Variants in HSPA4 observed in about 807,000 individuals in gnomAD.
HSPA4 encodes heat shock protein family A (Hsp70) member 4.
In HSPA4, 25 loss-of-function variants were observed where a neutral mutation model predicts 106.2. The observed-to-expected ratio is 0.24, with a 90% confidence interval of 0.17 to 0.33. The LOEUF (loss-of-function observed/expected upper bound fraction) is 0.33, where lower values mean the gene tolerates loss of function less well. Among genes scored for constraint, HSPA4 ranks in the 10% least tolerant of loss-of-function variants. The pLI is 1.00. For missense variants in HSPA4, 841 were observed against 996.0 expected (o/e 0.84, Z 2.10); for synonymous variants, 332 against 333.6 (o/e 1.00, Z 0.05).
At chr5:133,070,851 G>A (rs554937258) in intron 4 of HSPA4, among the ~76,000 whole-genome samples, 24 of 152,272 alleles carry the variant, frequency 1.6e-4, no homozygotes, top group African/African-American at 4.3e-4. Context: ...GCGGTGAGCC[G>A]AGATCATGCC....
chr5:133,089,556 A>G lies in HSPA4; in HGVS notation c.1245-6A>G, dbSNP rs1765618597. ...ATTTGTGTTTTTGTCTTTTTCCTCC[A>G]TTCAGTGACTGTGAAGTCTTTTCCA... On this transcript the variant is annotated splice_region_variant and splice_polypyrimidine_tract_variant and intron_variant, in intron 10 of 18. Coordinates refer to ENST00000304858, the MANE Select transcript of HSPA4 (RefSeq NM_002154.4). 6.2e-7 allele frequency: 1 copy of G among 1,612,684 alleles called. No individual in the cohort carries two copies. Among genetic ancestry groups the G allele is most frequent in the East Asian group, 2.2e-5 (1 of 44,856 alleles).
chr5:133,056,567 G>A (rs896693072), intron 1 of HSPA4, among the ~76,000 whole-genome samples: 2 of 152,146 alleles, frequency 1.3e-5, no homozygotes, highest in African/African-American at 2.4e-5. Flanking sequence ...CACCGCGCCC[G>A]GCCTGTAAAA....
In HSPA4 at chr5:133,097,185, C is replaced by T. The variant is rs1164636135; in HGVS notation, c.1828C>T (p.Leu610=). 4.3e-6 allele frequency: 7 copies of T among 1,611,080 alleles called. No individual in the cohort carries two copies. Among genetic ancestry groups the T allele is most frequent in the Non-Finnish European group, 5.9e-6 (7 of 1,177,574 alleles). ...GGGTAAGATGATCATGCAGGATAAA[C>T]TGGAGAAGGAGCGGAATGATGCTAA... ...NEGKMIMQDK[L]EKERNDAKNA... is the part of the protein sequence containing the mutation. The change falls in exon 15 of 19, where the codon CTG becomes TTG. Residue 610 remains leucine (L), a synonymous_variant. Coordinates refer to ENST00000304858, the MANE Select transcript of HSPA4 (RefSeq NM_002154.4).
Position 133,101,863 on chromosome 5 carries a change from C to G in HSPA4, c.2142C>G (p.Ser714Arg). ...TCCAACAGTATATGAAAATAATCAG[C>G]TCTTTCAAAAACAAGGTAACTTTTT... ...KQIQQYMKII[S>R]SFKNKEDQYD... is the part of the protein sequence containing the mutation. Residue 714 changes from serine (S) to arginine (R), a missense_variant, in exon 17 of 19, where the codon AGC (serine) becomes AGG (arginine). By Grantham distance (110) the Ser-to-Arg change is moderately radical. Coordinates refer to ENST00000304858, the MANE Select transcript of HSPA4 (RefSeq NM_002154.4). 1 of 1,573,128 alleles carries G rather than the reference C, an allele frequency of 6.4e-7. No homozygotes were observed. The highest frequency in any genetic ancestry group is 8.6e-7 in the Non-Finnish European group (1 of 1,157,366).
intron 8 of HSPA4, among the ~76,000 whole-genome samples, chr5:133,087,904 A>G (rs933742800): frequency 6.6e-6 from 1 of 152,198 alleles, no homozygotes; most frequent in Admixed American, 6.5e-5. Flanking sequence ...GATTACAAGC[A>G]TGAGCCACCA....
At position 133,070,496 on chromosome 5, in the gene HSPA4, G is replaced by A. The variant is rs1477286482; in HGVS notation, c.429G>A (p.Ser143=). The A allele has an allele frequency of 1.4e-5, 22 of 1,613,390 alleles. No homozygotes were observed. The highest frequency in any genetic ancestry group is 4.5e-5 in the East Asian group (2 of 44,834). The part of the protein sequence containing the change: ...LKKPVVDCVV[S]VPCFYTDAER... ...AGCCTGTAGTTGACTGTGTTGTTTC[G>A]GTGAGTTTGATCCCTATACATTATT... The change falls in exon 4 of 19, where the codon TCG becomes TCA. Residue 143 remains serine (S), a splice_region_variant and synonymous_variant. Transcript: ENST00000304858.
chr5:133,059,218 C>T (rs1164270686), intron 1 of HSPA4, among the ~76,000 whole-genome samples: 5 of 148,952 alleles, frequency 3.4e-5, no homozygotes, highest in South Asian at 2.1e-4. Flanking sequence ...GAGGCCAAGG[C>T]GGGCGGTTCG....
intron 1 of HSPA4, among the ~76,000 whole-genome samples, chr5:133,055,252 T>C (rs1314814493): frequency 6.6e-6 from 1 of 151,928 alleles, no homozygotes; most frequent in Non-Finnish European, 1.5e-5. Flanking sequence ...TGATTCACTT[T>C]GATTACTCTG....
intron 7 of HSPA4, among the ~76,000 whole-genome samples, chr5:133,077,757 G>A: frequency 6.6e-6 from 1 of 152,056 alleles, no homozygotes; most frequent in East Asian, 1.9e-4. Flanking sequence ...TGGTGTATTT[G>A]GAGACATGGG....
rs57230598 is a variant in HSPA4, at chr5:133,092,806, G to GTTTTTTTTTTTTTTTTT, written c.1650+33_1650+49dup. The GTTTTTTTTTTTTTTTTT allele has an allele frequency of 4.2e-6, 2 of 474,012 alleles. No homozygotes were observed. The highest frequency in any genetic ancestry group is 3.6e-5 in the African/African-American group (1 of 28,146). The allele number at this position is 474,012 out of a possible 1,614,324, so 29.4% of individuals were successfully genotyped here. A position where few individuals can be genotyped will look rare whatever the true frequency, so the allele number is the denominator to read the frequency against. The stretch of plus-strand genomic sequence containing the variant: ...GAAATGGAGGTATGCATTGGGTGGT[G>GTTTTTTTTTTTTTTTTT]TTTTTTTTTTTTTTTTTTTTTTTTT... On this transcript the variant is annotated intron_variant, in intron 13 of 18. Coordinates refer to ENST00000304858, the MANE Select transcript of HSPA4 (RefSeq NM_002154.4).
chr5:133,080,553 A>C (rs1765502522), intron 7 of HSPA4, among the ~76,000 whole-genome samples: 1 of 151,448 alleles, frequency 6.6e-6, no homozygotes, highest in Non-Finnish European at 1.5e-5. Context: ...ATTTAAGTTT[A>C]ATTAAAATTT....
At chr5:133,102,346 TTAA>T (rs1171583442) in intron 17 of HSPA4, among the ~76,000 whole-genome samples, 1 of 152,242 alleles carries the variant, frequency 6.6e-6, no homozygotes, top group Non-Finnish European at 1.5e-5. Context: ...TTATAGCGTC[TTAA>T]TAAGAACCAT....
At chr5:133,080,490 G>A (rs1333834174) in intron 7 of HSPA4, among the ~76,000 whole-genome samples, 1 of 147,652 alleles carries the variant, frequency 6.8e-6, no homozygotes, top group Non-Finnish European at 1.5e-5. Context: ...TTTTGCATCA[G>A]TTTTTTTCCA....
intron 16 of HSPA4, chr5:133,101,484 G>A (rs377454646): frequency 1.0e-5 from 3 of 298,690 alleles, no homozygotes; most frequent in Non-Finnish European, 1.2e-5. Flanking sequence ...TTAGTACTGT[G>A]TATCTCCATT....
At chr5:133,055,627 A>G (rs1308691458) in intron 1 of HSPA4, among the ~76,000 whole-genome samples, 1 of 152,142 alleles carries the variant, frequency 6.6e-6, no homozygotes, top group Non-Finnish European at 1.5e-5. Context: ...CACTGGAGGT[A>G]CTGTGGTGAA....
chr5:133,070,147 A>C (rs1326467209), intron 3 of HSPA4, among the ~76,000 whole-genome samples: 2 of 152,058 alleles, frequency 1.3e-5, no homozygotes, highest in Non-Finnish European at 2.9e-5. Flanking sequence ...AGAGAGAGAG[A>C]ATGACAGAGA....
rs1446908745 is a variant in HSPA4 at position 133,091,178 on chromosome 5, C to G, written c.1379-15C>G. 3.1e-6 allele frequency: 5 copies of G among 1,608,660 alleles called. No individual in the cohort carries two copies. Among genetic ancestry groups the G allele is most frequent in the African/African-American group, 2.7e-5 (2 of 74,804 alleles). ...TCTTAGGTTATGTGTTCTTTTGTCT[C>G]TCGTATGTCCCTAGCTCAGTTTTCA... On this transcript the variant is annotated splice_polypyrimidine_tract_variant and intron_variant, in intron 11 of 18. Coordinates refer to ENST00000304858, the MANE Select transcript of HSPA4 (RefSeq NM_002154.4).
At chr5:133,074,564 C>T (rs1765424810) in intron 6 of HSPA4, among the ~76,000 whole-genome samples, 1 of 152,206 alleles carries the variant, frequency 6.6e-6, no homozygotes, top group African/African-American at 2.4e-5. Context: ...AGGCGTGAGC[C>T]ACGGCGCCCA....
intron 1 of HSPA4, among the ~76,000 whole-genome samples, chr5:133,054,238 T>A (rs1358076297): frequency 6.6e-6 from 1 of 151,980 alleles, no homozygotes; most frequent in Non-Finnish European, 1.5e-5. Flanking sequence ...AGTCTTACTC[T>A]GTTCCCTACG....
Sources: allele counts gnomAD v4.1 joint callset (sites outside exome capture counted in the v4.1 genomes callset), GRCh38; gene constraint gnomAD v4.1.1; transcripts MANE v1.5; gene names NCBI Gene and HGNC (gene_info 2026-07-23, HGNC 2026-07-21).